Variants in DLG2 observed in about 807,000 individuals in gnomAD.
DLG2 encodes discs large MAGUK scaffold protein 2, also known as disks large homolog 2.
Under a neutral mutation model 132.5 loss-of-function variants are expected in DLG2, and 45 were observed. The ratio of observed to expected loss-of-function variants is 0.34; its 90% CI spans 0.27 to 0.44. DLG2 has a LOEUF of 0.44. Among genes scored for constraint, DLG2 ranks in the 20% least tolerant of loss-of-function variants. The probability of loss-of-function intolerance (pLI) is 1.00; values close to 1 mark genes in which losing one functional copy is unlikely to be tolerated. For missense variants in DLG2, 1,045 were observed against 1,196.9 expected (o/e 0.87, Z 1.87); for synonymous variants, 424 against 419.6 (o/e 1.01, Z -0.13).
chr11:84,346,737 C>T (rs1170421840), intron 7 of DLG2, among the ~76,000 whole-genome samples: 1 of 152,128 alleles, frequency 6.6e-6, no homozygotes. Flanking sequence ...GCCACCACAC[C>T]CAGCTAATTT....
At chr11:84,273,184 T>C (rs1241386160) in intron 7 of DLG2, 4 of 1,568,556 alleles carry the variant, frequency 2.6e-6, no homozygotes, top group Middle Eastern at 1.7e-4. Context: ...CTTGTTCACA[T>C]TGTTTTAAGG....
intron 3 of DLG2, among the ~76,000 whole-genome samples, chr11:85,542,891 A>G (rs552962124): frequency 3.3e-4 from 50 of 152,248 alleles, no homozygotes; most frequent in Non-Finnish European, 6.0e-4. Flanking sequence ...ATATGTGTTT[A>G]TGTGTGTGTG....
At chr11:84,786,383 G>A (rs535432469) in intron 6 of DLG2, among the ~76,000 whole-genome samples, 46 of 152,152 alleles carry the variant, frequency 3.0e-4, no homozygotes, top group African/African-American at 1.1e-3. Flanking sequence ...CTAACCATTT[G>A]GTTTTATTAT....
intron 6 of DLG2, among the ~76,000 whole-genome samples, chr11:84,727,101 T>G (rs1161051340): frequency 6.6e-6 from 1 of 152,250 alleles, no homozygotes; most frequent in African/African-American, 2.4e-5. Context: ...TTTAGATTAA[T>G]TAGATCCTGT....
chr11:84,754,650 A>C (rs2066619478), intron 6 of DLG2, among the ~76,000 whole-genome samples: 1 of 152,178 alleles, frequency 6.6e-6, no homozygotes, highest in South Asian at 2.1e-4. Context: ...GAATTTGACT[A>C]AGCAGAGAAT....
intron 7 of DLG2, among the ~76,000 whole-genome samples, chr11:84,342,789 T>A (rs191438830): frequency 6.6e-6 from 1 of 152,202 alleles, no homozygotes; most frequent in East Asian, 1.9e-4. Flanking sequence ...CCAAACATAT[T>A]TATTGGGTCT....
chr11:83,865,101 CA>C (rs2062073222), intron 16 of DLG2, among the ~76,000 whole-genome samples: 1 of 152,110 alleles, frequency 6.6e-6, no homozygotes, highest in Non-Finnish European at 1.5e-5. Flanking sequence ...CCCCTCTGAC[CA>C]CGACTTTTGT....
chr11:84,590,701 T>A lies in DLG2; in HGVS notation c.358-55970A>T, dbSNP rs113100098. 1.6e-3 allele frequency among the ~76,000 whole-genome samples: 239 copies of A among 152,286 alleles called. 1 individual carries two copies. Among genetic ancestry groups the A allele is most frequent in the African/African-American group, 5.6e-3 (231 of 41,552 alleles). On this transcript the variant is annotated intron_variant, in intron 6 of 27. Transcript: ENST00000376104. ...TCCTTACCTTCATATTGCTGTTGCA[T>A]TTACTCAATAGATGCTGCATCTCTC...
rs1355870966 is a variant in DLG2, at chr11:83,459,263, C to A, written c.*555G>T. 4 of 152,676 alleles carry A rather than the reference C, an allele frequency of 2.6e-5. No homozygotes were observed. 9.5% of individuals were successfully genotyped at this position (152,676 alleles called of 1,614,324 possible). A position where few individuals can be genotyped will look rare whatever the true frequency, so the allele number is the denominator to read the frequency against. ...AAATTTTATGAAATTCTTGTCTTTG[C>A]AGATGCCAGTCAAAAAACTACACAC... On this transcript the variant is annotated 3_prime_UTR_variant, in exon 28 of 28. Transcript: ENST00000376104.
At chr11:84,487,237 C>T (rs141816437) in intron 7 of DLG2, among the ~76,000 whole-genome samples, 3 of 151,962 alleles carry the variant, frequency 2.0e-5, no homozygotes, top group South Asian at 2.1e-4. Flanking sequence ...ATATGAGTAC[C>T]GATGACAAAC....
At chr11:83,879,357 A>G (rs1054439251) in intron 15 of DLG2, among the ~76,000 whole-genome samples, 2 of 152,128 alleles carry the variant, frequency 1.3e-5, no homozygotes, top group Non-Finnish European at 2.9e-5. Context: ...CATCATTAAC[A>G]TATCTTCTTA....
intron 3 of DLG2, among the ~76,000 whole-genome samples, chr11:85,545,727 G>A (rs974808721): frequency 4.6e-5 from 7 of 152,170 alleles, no homozygotes; most frequent in African/African-American, 1.7e-4. Flanking sequence ...GAGGGTGTAT[G>A]TGTCCAGGAA....
At chr11:84,533,143 A>G (rs1043191421) in intron 7 of DLG2, among the ~76,000 whole-genome samples, 4 of 152,218 alleles carry the variant, frequency 2.6e-5, no homozygotes, top group Admixed American at 6.5e-5. Context: ...CTCATGAAGT[A>G]GTCTATAATT....
intron 18 of DLG2, among the ~76,000 whole-genome samples, chr11:83,717,056 C>A (rs1053599309): frequency 1.3e-5 from 2 of 152,118 alleles, no homozygotes; most frequent in African/African-American, 4.8e-5. Context: ...CCTCCACCTC[C>A]CCACTCCTGA....
chr11:85,573,923 C>T (rs911530554), intron 3 of DLG2, among the ~76,000 whole-genome samples: 4 of 151,962 alleles, frequency 2.6e-5, no homozygotes, highest in Admixed American at 6.6e-5. Flanking sequence ...TCACATATTG[C>T]TACTATTTAC....
At chr11:83,681,030 G>T (rs1302202686) in intron 18 of DLG2, among the ~76,000 whole-genome samples, 1 of 152,070 alleles carries the variant, frequency 6.6e-6, no homozygotes, top group Admixed American at 6.6e-5. Flanking sequence ...ACAATTATGG[G>T]TTTAGAAGAC....
chr11:83,982,964 T>C (rs1021284918), intron 11 of DLG2, among the ~76,000 whole-genome samples: 1 of 152,190 alleles, frequency 6.6e-6, no homozygotes, highest in Non-Finnish European at 1.5e-5. Context: ...CAACAGGCTA[T>C]ACTACATAGC....
chr11:83,967,215 C>A (rs1001191061), intron 12 of DLG2, among the ~76,000 whole-genome samples: 1 of 152,054 alleles, frequency 6.6e-6, no homozygotes, highest in Non-Finnish European at 1.5e-5. Flanking sequence ...GATATCTTTA[C>A]AAGGTGGTGA....
chr11:84,973,809 T>A (rs1407434524), intron 6 of DLG2, among the ~76,000 whole-genome samples: 2 of 152,164 alleles, frequency 1.3e-5, no homozygotes, highest in African/African-American at 4.8e-5. Context: ...AAATGGATTC[T>A]TAGGGTTGTA....
Sources: allele counts gnomAD v4.1 joint callset (sites outside exome capture counted in the v4.1 genomes callset), GRCh38; gene constraint gnomAD v4.1.1; transcripts MANE v1.5; gene names NCBI Gene and HGNC (gene_info 2026-07-23, HGNC 2026-07-21).